SLC5A11: variants seen among roughly 807,000 people sequenced by gnomAD.
SLC5A11 encodes the protein solute carrier family 5 member 11.
In SLC5A11, 48 loss-of-function variants were observed where a neutral mutation model predicts 69.8. The observed-to-expected ratio is 0.69, with a 90% CI of 0.55 to 0.87. The LOEUF is 0.87. SLC5A11 is among the 40% of genes least tolerant of loss of function. SLC5A11 has a pLI of 0.00. For missense variants in SLC5A11, 784 were observed against 866.1 expected (o/e 0.91, Z 1.19); for synonymous variants, 319 against 342.4 (o/e 0.93, Z 0.75).
At chr16:24,851,356 T>C (rs2152205847) in intron 1 of SLC5A11, among the ~76,000 whole-genome samples, 1 of 149,142 alleles carries the variant, frequency 6.7e-6, no homozygotes, top group African/African-American at 2.5e-5. Context: ...CTACTAAAAA[T>C]ACAAAAAAAG....
At chr16:24,908,277 G>T (rs1319250702) in intron 13 of SLC5A11, 146 bp downstream of exon 14, 2 of 923,160 alleles carry the variant, frequency 2.2e-6, no homozygotes, top group African/African-American at 3.4e-5. Context: ...GGAAGATACA[G>T]GGAGGGTGTT....
In SLC5A11 at chr16:24,884,137, T is replaced by C; in HGVS notation, c.664+6T>C. 2 of 1,613,948 alleles carry C rather than the reference T, an allele frequency of 1.2e-6. No homozygotes were observed. The highest frequency in any genetic ancestry group is 1.7e-6 in the Non-Finnish European group (2 of 1,179,884). On this transcript the variant is annotated splice_donor_region_variant and intron_variant, in intron 8 of 15. Coordinates refer to ENST00000347898, the Ensembl canonical transcript of SLC5A11. ...GCTCACCTTGATGGGCTACAGTAAG[T>C]GGGGTCCCCGGGTCACTGGGGCGGA...
chr16:24,884,185 G>C, intron 8 of SLC5A11, 54 bp downstream of exon 9: 1 of 1,527,248 alleles, frequency 6.5e-7, no homozygotes, highest in Non-Finnish European at 9.1e-7. Context: ...TCTCCAGCAG[G>C]GATATCTGCT....
chr16:24,860,779 C>T (rs1260334848), intron 2 of SLC5A11, among the ~76,000 whole-genome samples: 1 of 152,034 alleles, frequency 6.6e-6, no homozygotes, highest in East Asian at 1.9e-4. Context: ...AATCTCAGCT[C>T]ACTGCAAGCT....
At chr16:24,851,646 C>T (rs764850749) in intron 1 of SLC5A11, among the ~76,000 whole-genome samples, 16 of 152,138 alleles carry the variant, frequency 1.1e-4, no homozygotes, top group African/African-American at 1.7e-4. Context: ...ATAAAATGGA[C>T]GGGGAACAGA....
At chr16:24,855,284 A>G (rs1327651831) in intron 1 of SLC5A11, among the ~76,000 whole-genome samples, 1 of 151,994 alleles carries the variant, frequency 6.6e-6, no homozygotes, top group African/African-American at 2.4e-5. Flanking sequence ...CTCTGCCCCC[A>G]TGGATGGGAT....
intron 2 of SLC5A11, among the ~76,000 whole-genome samples, chr16:24,861,295 C>T (rs1057350033): frequency 1.3e-5 from 2 of 151,968 alleles, no homozygotes; most frequent in Non-Finnish European, 2.9e-5. Context: ...AGCCTGGCAA[C>T]ATAGTAAGAT....
chr16:24,906,630 A>C, intron 10 of SLC5A11, 27 bp from the exon 12 acceptor site: 1 of 1,532,540 alleles, frequency 6.5e-7, no homozygotes, highest in Non-Finnish European at 8.9e-7. Context: ...CTGACTGCTC[A>C]CCTCTGGGCC....
chr16:24,873,936 C>T (rs1358181058), intron 5 of SLC5A11, among the ~76,000 whole-genome samples: 1 of 150,680 alleles, frequency 6.6e-6, no homozygotes, highest in African/African-American at 2.4e-5. Context: ...ATGCAATTCT[C>T]CTCCCTCAAC....
intron 5 of SLC5A11, 91 bp downstream of exon 6, chr16:24,872,310 C>A: frequency 6.9e-7 from 1 of 1,442,328 alleles, no homozygotes. Context: ...CCATCCCTCC[C>A]TCCTGCCCAT....
intron 10 of SLC5A11, among the ~76,000 whole-genome samples, chr16:24,899,684 GA>G (rs1175029912): frequency 6.6e-6 from 1 of 151,636 alleles, no homozygotes; most frequent in Non-Finnish European, 1.5e-5. Context: ...TTACAGGCGT[GA>G]GCCACCACAG....
At chr16:24,875,652 G>A (rs746908912) in exon 6 of SLC5A11, 12 of 1,613,734 alleles carry the variant, frequency 7.4e-6, no homozygotes, top group East Asian at 4.5e-5. Context: ...GAATACCTAC[G>A]GAAGCGCTTC....
chr16:24,876,653 C>T (rs546913233), intron 6 of SLC5A11, among the ~76,000 whole-genome samples: 205 of 152,288 alleles, frequency 1.3e-3, no homozygotes, highest in African/African-American at 4.7e-3. Flanking sequence ...GGACAGACAA[C>T]ACAGGCTCCT....
chr16:24,899,054 G>C (rs943924749), intron 10 of SLC5A11, among the ~76,000 whole-genome samples: 6 of 152,014 alleles, frequency 3.9e-5, no homozygotes, highest in African/African-American at 1.4e-4. Context: ...CAGGCCTCAA[G>C]CGATCCTCCT....
rs534926841 is a variant in SLC5A11 at position 24,853,818 on chromosome 16, G to A, written c.-24-4802G>A. ...CATGCCTGGCACTCAAATAGAAATC[G>A]TGCTCACCAAGTGTTAGGGCCGATT... On this transcript the variant is annotated intron_variant, in intron 1 of 15. Transcript: ENST00000347898. Among the ~76,000 whole-genome samples, 10 of 152,316 alleles carry A rather than the reference G, an allele frequency of 6.6e-5. No homozygotes were observed. The East Asian group carries it at 1.9e-3, about 29-fold the overall frequency.
intron 4 of SLC5A11, among the ~76,000 whole-genome samples, chr16:24,870,654 C>T (rs1248608280): frequency 6.6e-6 from 1 of 151,428 alleles, no homozygotes; most frequent in Non-Finnish European, 1.5e-5. Flanking sequence ...GTGGTGCATG[C>T]CTGTAATCCT....
chr16:24,865,005 A>T (rs929264520), intron 3 of SLC5A11, among the ~76,000 whole-genome samples: 2 of 152,186 alleles, frequency 1.3e-5, no homozygotes, highest in African/African-American at 2.4e-5. Flanking sequence ...GATCTGTGGG[A>T]CATGATTAAG....
chr16:24,879,681 G>T (rs2047916438), intron 7 of SLC5A11, among the ~76,000 whole-genome samples: 1 of 152,298 alleles, frequency 6.6e-6, no homozygotes, highest in Middle Eastern at 3.4e-3. Context: ...AGGTTGCAAG[G>T]TTGCAGTGAA....
chr16:24,884,435 ACT>A (rs1242979000), intron 8 of SLC5A11, among the ~76,000 whole-genome samples: 3 of 151,366 alleles, frequency 2.0e-5, no homozygotes. Context: ...GGCTCAAGTG[ACT>A]CTCTCACCTC....
Sources: allele counts gnomAD v4.1 joint callset (sites outside exome capture counted in the v4.1 genomes callset), GRCh38; gene constraint gnomAD v4.1.1; transcripts MANE v1.5; gene names NCBI Gene and HGNC (gene_info 2026-07-23, HGNC 2026-07-21).